LMNTD1: variants seen among roughly 807,000 people sequenced by gnomAD.
LMNTD1 encodes the protein lamin tail domain containing 1.
LMNTD1 carries 35 observed loss-of-function variants against 50.9 expected under a neutral mutation model. The observed-to-expected ratio is 0.69, with a 90% confidence interval of 0.53 to 0.91. LMNTD1 has a LOEUF of 0.91. LMNTD1 is among the 40% of genes least tolerant of loss of function. LMNTD1 has a pLI of 0.00. For missense variants in LMNTD1, 470 were observed against 475.5 expected (o/e 0.99, Z 0.11); for synonymous variants, 153 against 161.9 (o/e 0.94, Z 0.42).
Position 25,579,414 on chromosome 12 carries a change from CA to C in LMNTD1, c.59-32861del, listed in dbSNP as rs541922168. Among the ~76,000 whole-genome samples the C allele has an allele frequency of 1.8e-4, 28 of 152,132 alleles. No individual in the cohort carries two copies. The South Asian group carries it at 5.8e-3, about 32-fold the overall frequency. On this transcript the variant is annotated intron_variant, in intron 1 of 7. Transcript: ENST00000445693. ...TGTAGGTTATATGCAAATATCACAC[CA>C]TTTTATATCAGGGACTTTAGCATTT...
chr12:25,572,969 C>T (rs1944857302), intron 1 of LMNTD1, among the ~76,000 whole-genome samples: 1 of 152,120 alleles, frequency 6.6e-6, no homozygotes, highest in South Asian at 2.1e-4. Flanking sequence ...CTAGTAGATC[C>T]ATCTAATGAC....
chr12:25,525,817 TG>T (rs1176104201), intron 6 of LMNTD1, among the ~76,000 whole-genome samples: 3 of 152,110 alleles, frequency 2.0e-5, no homozygotes, highest in African/African-American at 7.2e-5. Context: ...ATACGTACCA[TG>T]GAATACCACC....
intron 1 of LMNTD1, among the ~76,000 whole-genome samples, chr12:25,616,854 T>C (rs1946362772): frequency 6.6e-6 from 1 of 152,216 alleles, no homozygotes; most frequent in African/African-American, 2.4e-5. Flanking sequence ...GACTTGTAGC[T>C]GACTACAAAG....
chr12:25,484,508 TA>T (rs1239289430), intron 9 of LMNTD1, among the ~76,000 whole-genome samples: 4 of 152,038 alleles, frequency 2.6e-5, no homozygotes, highest in South Asian at 2.1e-4. Flanking sequence ...TTTTTAAATT[TA>T]TTTTTTTATT....
chr12:25,627,736 T>C (rs1252856798), intron 1 of LMNTD1, among the ~76,000 whole-genome samples: 1 of 152,186 alleles, frequency 6.6e-6, no homozygotes, highest in Non-Finnish European at 1.5e-5. Flanking sequence ...ATAACTACAT[T>C]TTATTGCACA....
At chr12:25,523,494 G>A (rs1327419285) in intron 6 of LMNTD1, among the ~76,000 whole-genome samples, 1 of 152,056 alleles carries the variant, frequency 6.6e-6, no homozygotes, top group Non-Finnish European at 1.5e-5. Flanking sequence ...CACAAGATAT[G>A]GATTATTTTC....
intron 1 of LMNTD1, among the ~76,000 whole-genome samples, chr12:25,597,025 G>A (rs893527866): frequency 5.3e-5 from 8 of 151,870 alleles, no homozygotes; most frequent in Non-Finnish European, 1.0e-4. Flanking sequence ...GTATTTGCAG[G>A]CCTCATGATA....
At chr12:25,523,347 A>G (rs1052254082) in intron 6 of LMNTD1, among the ~76,000 whole-genome samples, 1 of 152,154 alleles carries the variant, frequency 6.6e-6, no homozygotes, top group African/African-American at 2.4e-5. Flanking sequence ...TCTTTTTAAA[A>G]ATGACCCATA....
chr12:25,488,354 A>T, intron 9 of LMNTD1, among the ~76,000 whole-genome samples: 1 of 110,334 alleles, frequency 9.1e-6, no homozygotes, highest in Non-Finnish European at 1.9e-5. Flanking sequence ...TTTTCTCTAA[A>T]CTTCCCTTCT....
chr12:25,514,014 C>T (rs2135999787), intron 8 of LMNTD1, among the ~76,000 whole-genome samples: 1 of 152,244 alleles, frequency 6.6e-6, no homozygotes, highest in South Asian at 2.1e-4. Context: ...ATTTTAATCA[C>T]ACTACCAACA....
intron 7 of LMNTD1, among the ~76,000 whole-genome samples, chr12:25,519,504 C>T (rs902204527): frequency 6.8e-6 from 1 of 147,028 alleles, no homozygotes; most frequent in African/African-American, 2.5e-5. Context: ...AGCAGAATGG[C>T]GTGAACCGGC....
chr12:25,643,724 G>C (rs944971214), intron 1 of LMNTD1, among the ~76,000 whole-genome samples: 1 of 152,202 alleles, frequency 6.6e-6, no homozygotes, highest in African/African-American at 2.4e-5. Flanking sequence ...TCAAGGTTCT[G>C]ATGGCAAAGA....
intron 1 of LMNTD1, among the ~76,000 whole-genome samples, chr12:25,564,099 C>G (rs775033547): frequency 9.8e-5 from 15 of 152,290 alleles, no homozygotes; most frequent in Non-Finnish European, 1.8e-4. Flanking sequence ...CTCGCGCTTC[C>G]CAGGTGAGGC....
chr12:25,534,962 C>T (rs549849806), intron 4 of LMNTD1, among the ~76,000 whole-genome samples: 1 of 152,086 alleles, frequency 6.6e-6, no homozygotes, highest in African/African-American at 2.4e-5. Context: ...ATATTCTAGC[C>T]CCCAAACAAG....
In LMNTD1 at chr12:25,552,906, G is replaced by A. The variant is rs775649310; in HGVS notation, c.54C>T (p.Val18=). The change falls in exon 2 of 10, where the codon GTC becomes GTT. Residue 18 remains valine (V), a synonymous_variant. Coordinates refer to ENST00000458174, the MANE Select transcript of LMNTD1 (RefSeq NM_001145728.2). ...QEASKAMQNK[V]HEQEDKNEKQ... ...TCTCATTCTTATCTTCCTGCTCATG[G>A]ACTTTATTCTGCATTGCCTTCGAAG... 21 of 1,552,896 alleles carry A rather than the reference G, an allele frequency of 1.4e-5. No individual in the cohort carries two copies. In the South Asian group the frequency reaches 2.5e-4, roughly 18 times the overall value.
At chr12:25,481,778 C>T (rs1434277037) in intron 9 of LMNTD1, among the ~76,000 whole-genome samples, 1 of 150,512 alleles carries the variant, frequency 6.6e-6, no homozygotes, top group Non-Finnish European at 1.5e-5. Context: ...TAGAGAGATT[C>T]TCGAGCACTC....
intron 9 of LMNTD1, among the ~76,000 whole-genome samples, chr12:25,493,768 G>T (rs1938969020): frequency 1.3e-5 from 2 of 152,182 alleles, no homozygotes; most frequent in South Asian, 4.1e-4. Context: ...CTACAGAGAG[G>T]TGAGTTCTAT....
chr12:25,636,501 C>T (rs148575964), intron 1 of LMNTD1, among the ~76,000 whole-genome samples: 2,668 of 152,178 alleles, frequency 0.018, 58 homozygotes, highest in African/African-American at 0.056. Flanking sequence ...GGCATGGATG[C>T]AGTGATCAGG....
chr12:25,529,077 A>G (rs576372725), intron 4 of LMNTD1, among the ~76,000 whole-genome samples: 53 of 152,220 alleles, frequency 3.5e-4, no homozygotes, highest in Admixed American at 9.2e-4. Context: ...CTGTTAGTCT[A>G]TATCTTCATG....
Sources: gnomAD v4.1 joint callset for allele counts (sites outside exome capture counted in the v4.1 genomes callset) on GRCh38, gnomAD v4.1.1 for gene constraint, MANE v1.5 for transcripts, NCBI Gene and HGNC (gene_info 2026-07-23, HGNC 2026-07-21) for gene names.